The following PDE7B variants were observed in gnomAD, a reference collection of about 807,000 sequenced individuals.
PDE7B encodes the protein phosphodiesterase 7B.
A neutral mutation model predicts 56.2 loss-of-function variants in PDE7B; 29 were observed. That is an observed-to-expected ratio of 0.52 (90% CI 0.38 to 0.70). The LOEUF is 0.70. Ranked by LOEUF, PDE7B falls within the 30% of genes least tolerant of loss-of-function variation. The probability of loss-of-function intolerance (pLI) is 0.00; values close to 1 mark genes in which losing one functional copy is unlikely to be tolerated. For missense variants in PDE7B, 490 were observed against 565.0 expected (o/e 0.87, Z 1.35); for synonymous variants, 197 against 196.9 (o/e 1.00, Z 0.00).
chr6:136,059,576 G>T lies in PDE7B; in HGVS notation c.83-49155G>T, dbSNP rs184903510. On this transcript the variant is annotated intron_variant, in intron 2 of 12. Coordinates refer to ENST00000308191, the MANE Select transcript of PDE7B (RefSeq NM_018945.4). ...AGAATGACAACTTTGGCAAGGAGGG[G>T]TGGTGGCTTTGCTGCAGTTGAGCGG... Among the ~76,000 whole-genome samples, 8 of 152,308 alleles carry T rather than the reference G, an allele frequency of 5.3e-5. No homozygotes were observed. In the East Asian group the frequency reaches 1.2e-3, roughly 22 times the overall value.
Position 135,919,660 on chromosome 6 carries a change from G to T in PDE7B, c.22-27804G>T, listed in dbSNP as rs141705796. 7.2e-4 allele frequency among the ~76,000 whole-genome samples: 109 copies of T among 152,314 alleles called. No homozygotes were observed. In the East Asian group the frequency reaches 0.019, roughly 27 times the overall value. ...TTCAATATGAACTGCATGGGCAGAA[G>T]CAGCACAAAATAGAAGAGAGTTTAA... is the stretch of plus-strand genomic sequence containing the variant. On this transcript the variant is annotated intron_variant, in intron 1 of 12. Transcript: ENST00000308191.
chr6:135,976,842 G>A (rs1775194668), intron 2 of PDE7B, among the ~76,000 whole-genome samples: 1 of 152,102 alleles, frequency 6.6e-6, no homozygotes, highest in South Asian at 2.1e-4. Context: ...GGTTCACCTA[G>A]GCTATTTCAC....
intron 2 of PDE7B, among the ~76,000 whole-genome samples, chr6:136,026,967 TATGGATATA>T (rs1384937310): frequency 6.6e-6 from 1 of 152,190 alleles, no homozygotes; most frequent in African/African-American, 2.4e-5. Context: ...TGGGAAGTAA[TATGGATATA>T]ATGGTAGAGC....
At chr6:136,161,137 T>A (rs1309894538) in intron 8 of PDE7B, among the ~76,000 whole-genome samples, 1 of 152,210 alleles carries the variant, frequency 6.6e-6, no homozygotes, top group Non-Finnish European at 1.5e-5. Flanking sequence ...CTGTACTCTC[T>A]AATTCCTCTC....
Position 135,941,526 on chromosome 6 carries a change from GC to G in PDE7B, c.22-5935del, listed in dbSNP as rs1352214806. ...CTAGTTTTCCACTTTCCCAATTGTGGCCCACTGGCCTAGTAAACTCCCAGCT... is the reference window on the plus strand; with the variant it reads ...CTAGTTTTCCACTTTCCCAATTGTGGCCACTGGCCTAGTAAACTCCCAGCT... On this transcript the variant is annotated intron_variant, in intron 1 of 12. Coordinates refer to ENST00000308191, the MANE Select transcript of PDE7B (RefSeq NM_018945.4). Among the ~76,000 whole-genome samples, 5 of 152,184 alleles carry G rather than the reference GC, an allele frequency of 3.3e-5. No homozygotes were observed. In the East Asian group the frequency reaches 9.6e-4, roughly 29 times the overall value.
chr6:136,077,578 G>A (rs1424969804), intron 2 of PDE7B, among the ~76,000 whole-genome samples: 1 of 152,058 alleles, frequency 6.6e-6, no homozygotes, highest in Non-Finnish European at 1.5e-5. Context: ...CAAATATAAG[G>A]TTAATTAACC....
rs78508126 is a variant in PDE7B at position 136,073,114 on chromosome 6, G to A, written c.83-35617G>A. ...GCATTGATGGAATATCTGAGATGGTGGCGTCGGCAGGGATGGCCATGCTGA... is the reference window on the plus strand; with the variant it reads ...GCATTGATGGAATATCTGAGATGGTAGCGTCGGCAGGGATGGCCATGCTGA... On this transcript the variant is annotated intron_variant, in intron 2 of 12. Transcript: ENST00000308191. 5.2e-3 allele frequency among the ~76,000 whole-genome samples: 799 copies of A among 152,238 alleles called. 6 individuals carry two copies. The highest frequency in any genetic ancestry group is 0.018 in the African/African-American group (750 of 41,536).
chr6:136,061,385 CACAA>C (rs1359726259), intron 2 of PDE7B, among the ~76,000 whole-genome samples: 1 of 152,204 alleles, frequency 6.6e-6, no homozygotes, highest in African/African-American at 2.4e-5. Context: ...TTTGAATACT[CACAA>C]AGAAAAGAAT....
At chr6:135,996,618 G>A (rs372049225) in intron 2 of PDE7B, among the ~76,000 whole-genome samples, 86 of 152,322 alleles carry the variant, frequency 5.6e-4, no homozygotes, top group African/African-American at 2.0e-3. Context: ...TTGTTGCTGA[G>A]AGAAGTATCC....
intron 2 of PDE7B, among the ~76,000 whole-genome samples, chr6:136,015,787 T>C (rs1467170267): frequency 1.3e-5 from 2 of 152,162 alleles, no homozygotes; most frequent in African/African-American, 4.8e-5. Context: ...TTTCTGGGAA[T>C]ACTTCTAAAT....
At chr6:136,122,989 T>C (rs1777962358) in intron 3 of PDE7B, among the ~76,000 whole-genome samples, 1 of 152,250 alleles carries the variant, frequency 6.6e-6, no homozygotes, top group African/African-American at 2.4e-5. Context: ...TCGTATTTAC[T>C]GAGCACCTAT....
intron 1 of PDE7B, among the ~76,000 whole-genome samples, chr6:135,894,246 T>A (rs896576118): frequency 1.3e-5 from 2 of 152,210 alleles, no homozygotes; most frequent in African/African-American, 4.8e-5. Flanking sequence ...GTTTATTATG[T>A]GATTCTATCT....
intron 3 of PDE7B, among the ~76,000 whole-genome samples, chr6:136,129,976 T>C (rs1300466800): frequency 6.6e-6 from 1 of 152,250 alleles, no homozygotes; most frequent in African/African-American, 2.4e-5. Flanking sequence ...AGGTCCCACC[T>C]GAGTGGGTTT....
intron 2 of PDE7B, among the ~76,000 whole-genome samples, chr6:136,002,472 C>A (rs1368856149): frequency 6.6e-6 from 1 of 152,108 alleles, no homozygotes; most frequent in Non-Finnish European, 1.5e-5. Context: ...CGTGCAGAGA[C>A]ACACATAGGA....
At chr6:135,909,390 G>T (rs535400282) in intron 1 of PDE7B, among the ~76,000 whole-genome samples, 6 of 152,060 alleles carry the variant, frequency 3.9e-5, no homozygotes, top group African/African-American at 1.4e-4. Context: ...CGAGGTGGAC[G>T]TATCACTTGA....
chr6:135,911,435 C>G (rs557609786), intron 1 of PDE7B, among the ~76,000 whole-genome samples: 1 of 152,320 alleles, frequency 6.6e-6, no homozygotes, highest in Non-Finnish European at 1.5e-5. Context: ...TTTCTCAACA[C>G]TCAACAAATA....
At chr6:135,881,291 A>G (rs1775605438) in intron 1 of PDE7B, among the ~76,000 whole-genome samples, 1 of 151,132 alleles carries the variant, frequency 6.6e-6, no homozygotes, top group Admixed American at 6.6e-5. Flanking sequence ...AGGTCAAGAG[A>G]TCGAGACCAT....
intron 2 of PDE7B, among the ~76,000 whole-genome samples, chr6:136,092,999 A>C (rs533451937): frequency 6.6e-6 from 1 of 152,358 alleles, no homozygotes; most frequent in Non-Finnish European, 1.5e-5. Context: ...TATTAGCTTC[A>C]TGGTGGTAAT....
intron 2 of PDE7B, among the ~76,000 whole-genome samples, chr6:136,079,181 G>A (rs1273530532): frequency 6.6e-6 from 1 of 151,986 alleles, no homozygotes; most frequent in Non-Finnish European, 1.5e-5. Flanking sequence ...TCATCATAAA[G>A]TCAAAAAACT....
Sources: allele counts gnomAD v4.1 joint callset (sites outside exome capture counted in the v4.1 genomes callset), GRCh38; gene constraint gnomAD v4.1.1; transcripts MANE v1.5; gene names NCBI Gene and HGNC (gene_info 2026-07-23, HGNC 2026-07-21).